FLNB: variants seen among roughly 807,000 people sequenced by gnomAD.
FLNB encodes filamin-B.
FLNB carries 111 observed loss-of-function variants against 250.6 expected under a neutral mutation model. The ratio of observed to expected loss-of-function variants is 0.44; its 90% CI spans 0.38 to 0.52. The LOEUF (loss-of-function observed/expected upper bound fraction) is 0.52, where lower values mean the gene tolerates loss of function less well. Among genes scored for constraint, FLNB ranks in the 20% least tolerant of loss-of-function variants. The pLI is 0.00. For missense variants in FLNB, 2,869 were observed against 3,447.8 expected, an observed-to-expected ratio of 0.83 and a Z score of 4.20; for synonymous variants, 1,302 against 1,372.1, an observed-to-expected ratio of 0.95 and a Z score of 1.13.
intron 26 of FLNB, among the ~76,000 whole-genome samples, chr3:58,133,176 C>T (rs1199690177): frequency 4.6e-5 from 7 of 152,182 alleles, no homozygotes; most frequent in African/African-American, 7.2e-5. Context: ...TTCATAGAGG[C>T]AGCAAGTATT....
At chr3:58,167,269 T>C (rs2097372244) in intron 43 of FLNB, among the ~76,000 whole-genome samples, 1 of 152,210 alleles carries the variant, frequency 6.6e-6, no homozygotes, top group Non-Finnish European at 1.5e-5. Context: ...AGGGGCTTCT[T>C]GGCTGCACAG....
intron 24 of FLNB, among the ~76,000 whole-genome samples, chr3:58,127,683 T>C (rs2097300264): frequency 6.6e-6 from 1 of 152,250 alleles, no homozygotes; most frequent in Non-Finnish European, 1.5e-5. Context: ...TCTTGCCAGA[T>C]GTCTTAAGGG....
intron 21 of FLNB, 99 bp downstream of exon 21, chr3:58,123,789 C>A: frequency 9.9e-7 from 1 of 1,010,090 alleles, no homozygotes; most frequent in Non-Finnish European, 1.5e-6. Context: ...CCTGCAGGAG[C>A]CAGGTGACAT....
chr3:58,159,626 G>A lies in FLNB; in HGVS notation c.6961G>A (p.Ala2321Thr), dbSNP rs779499501. Residue 2321 changes from alanine to threonine, a missense_variant, in exon 42 of 46, where the codon GCA (alanine) becomes ACA (threonine). Around this residue, in one of 5 missense-constraint regions of FLNB, gnomAD observed 1,084 missense variants for 1,315.5 expected, o/e 0.82. Transcript: ENST00000295956. ...GAATGGCGCAAAAGGCAAGATTGAT[G>A]CAAAGGTGCACAGCCCCTCTGGAGC... is the stretch of plus-strand genomic sequence containing the variant. ...RLNGAKGKIDAKVHSPSGAVE... is the reference protein window; with the variant it reads ...RLNGAKGKIDTKVHSPSGAVE... 6.2e-7 allele frequency: 1 copy of A among 1,613,996 alleles called. No individual in the cohort carries two copies. Among genetic ancestry groups the A allele is most frequent in the Non-Finnish European group, 8.5e-7 (1 of 1,180,018 alleles).
intron 1 of FLNB, among the ~76,000 whole-genome samples, chr3:58,031,383 CAG>C (rs2097130769): frequency 6.6e-6 from 1 of 151,738 alleles, no homozygotes; most frequent in Non-Finnish European, 1.5e-5. Context: ...GCTGGGACTA[CAG>C]GCGCCCGCCA....
intron 34 of FLNB, among the ~76,000 whole-genome samples, chr3:58,147,763 C>T (rs2097338035): frequency 6.6e-6 from 1 of 152,146 alleles, no homozygotes; most frequent in African/African-American, 2.4e-5. Flanking sequence ...TGGGTTCAAG[C>T]GATTCTCCTG....
intron 1 of FLNB, among the ~76,000 whole-genome samples, chr3:58,048,158 T>G (rs1199246292): frequency 6.6e-6 from 1 of 152,210 alleles, no homozygotes; most frequent in East Asian, 1.9e-4. Context: ...GATTACTCAA[T>G]TGAATTTGGT....
intron 18 of FLNB, 44 bp downstream of exon 18, chr3:58,112,362 C>T (rs1277397811): frequency 6.3e-7 from 1 of 1,578,328 alleles, no homozygotes; most frequent in East Asian, 2.2e-5. Flanking sequence ...CCAGCCAGGC[C>T]CCTTTCTATG....
chr3:58,075,253 T>A (rs1360149237), intron 1 of FLNB, among the ~76,000 whole-genome samples: 2 of 152,022 alleles, frequency 1.3e-5, no homozygotes, highest in African/African-American at 2.4e-5. Flanking sequence ...GCTCAGTCAC[T>A]CCTCAACAAG....
chr3:58,083,795 G>A (rs2097212829), intron 4 of FLNB, among the ~76,000 whole-genome samples: 1 of 152,200 alleles, frequency 6.6e-6, no homozygotes, highest in South Asian at 2.1e-4. Flanking sequence ...GCAGTGGGTT[G>A]TGAGGTGTGT....
At chr3:58,074,881 T>C (rs2097199533) in intron 1 of FLNB, among the ~76,000 whole-genome samples, 1 of 152,212 alleles carries the variant, frequency 6.6e-6, no homozygotes, top group African/African-American at 2.4e-5. Flanking sequence ...CACTCCATGA[T>C]ACTCTTTGTT....
In FLNB at chr3:58,087,359, G is replaced by A. The variant is rs552325133; in HGVS notation, c.787+5583G>A. ...AAATAATACAGGAAGGGGAGGTGGC[G>A]GGAGTGAAGGTGAAACAAGACCAGC... is the stretch of plus-strand genomic sequence containing the variant. On this transcript the variant is annotated intron_variant, in intron 4 of 45. Transcript: ENST00000295956. Among the ~76,000 whole-genome samples the A allele has an allele frequency of 2.8e-3, 426 of 152,242 alleles. 2 individuals carry two copies. Among genetic ancestry groups the A allele is most frequent in the Non-Finnish European group, 4.5e-3 (306 of 68,012 alleles).
chr3:58,103,690 G>A (rs952792803), intron 9 of FLNB, among the ~76,000 whole-genome samples: 1 of 152,128 alleles, frequency 6.6e-6, no homozygotes, highest in African/African-American at 2.4e-5. Flanking sequence ...GGACCTCAGG[G>A]CCCCTCGTAG....
chr3:58,100,907 C>CT (rs1042240288), intron 8 of FLNB, among the ~76,000 whole-genome samples: 27 of 151,546 alleles, frequency 1.8e-4, no homozygotes, highest in African/African-American at 5.6e-4. Flanking sequence ...CCTAATTTTT[C>CT]TTTTTTTTGT....
intron 42 of FLNB, among the ~76,000 whole-genome samples, chr3:58,160,344 T>C (rs2107309950): frequency 6.6e-6 from 1 of 152,366 alleles, no homozygotes; most frequent in Non-Finnish European, 1.5e-5. Context: ...TGGAATTCTC[T>C]GATTTAATCA....
At position 58,146,068 on chromosome 3, in the gene FLNB, G is replaced by A. The variant is rs1233035853; in HGVS notation, c.5554+19G>A. On this transcript the variant is annotated intron_variant, in intron 33 of 45. Transcript: ENST00000295956. ...GGAGAAGGTACTGTGTGGTTTACGT[G>A]TTTATACGCCTCCAGCTGTCCATTT... is the stretch of plus-strand genomic sequence containing the variant. 6.2e-7 allele frequency: 1 copy of A among 1,614,086 alleles called. No homozygotes were observed. Among genetic ancestry groups the A allele is most frequent in the South Asian group, 1.1e-5 (1 of 91,078 alleles).
intron 25 of FLNB, chr3:58,132,233 A>G (rs1479089400): frequency 3.6e-6 from 2 of 563,272 alleles, no homozygotes; most frequent in South Asian, 2.1e-5. Flanking sequence ...ATGTTTTAGC[A>G]TAATCTCTAA....
rs957531199 is a variant in FLNB, at chr3:58,169,486, G to A, written c.7418-104G>A. On this transcript the variant is annotated intron_variant, in intron 44 of 45. Transcript: ENST00000295956. This position sits in a 1 kb window ranked among gnomAD's most constrained non-coding sequence, Gnocchi z 4.8. ...TGGTGGCTTTTGTGTTGGGGTGCGC[G>A]GGCTCTCCTGGGGTTACTGTGTAGG... 5 of 888,612 alleles carry A rather than the reference G, an allele frequency of 5.6e-6. No homozygotes were observed. Among genetic ancestry groups the A allele is most frequent in the African/African-American group, 1.6e-5 (1 of 61,046 alleles). The allele number at this position is 888,612 out of a possible 1,614,324, so 55.0% of individuals were successfully genotyped here.
At chr3:58,168,766 T>G (rs1157399728) in intron 44 of FLNB, 108 bp downstream of exon 44, 3 of 826,246 alleles carry the variant, frequency 3.6e-6, no homozygotes, top group East Asian at 5.2e-5. Context: ...AAAGCTACTT[T>G]GAACTTTGAA....
Sources: gnomAD v4.1 joint callset for allele counts (sites outside exome capture counted in the v4.1 genomes callset) on GRCh38, gnomAD v4.1.1 for gene constraint, gnomAD v4.1.1 regional missense constraint, Gnocchi (gnomAD v3.1) non-coding constraint, MANE v1.5 for transcripts, NCBI Gene and HGNC (gene_info 2026-07-23, HGNC 2026-07-21) for gene names.